Variants in CCNP observed in about 807,000 individuals in gnomAD.
CCNP encodes the protein cyclin-P.
CCNP carries 18 observed loss-of-function variants against 19.6 expected under a neutral mutation model. The ratio of observed to expected loss-of-function variants is 0.92; its 90% CI spans 0.64 to 1.36. The LOEUF is 1.36. Among genes scored for constraint, CCNP ranks in the 40% most tolerant of loss-of-function variants. CCNP has a pLI of 0.00. For missense variants in CCNP, 440 were observed against 424.4 expected, an observed-to-expected ratio of 1.04 and a Z score of -0.32; for synonymous variants, 228 against 194.9, an observed-to-expected ratio of 1.17 and a Z score of -1.41.
chr19:40,222,314 G>A lies in CCNP; in HGVS notation c.*738C>T. The A allele has an allele frequency of 2.5e-6, 1 of 398,998 alleles. No homozygotes were observed. Among genetic ancestry groups the A allele is most frequent in the African/African-American group, 2.1e-5 (1 of 48,736 alleles). The allele number at this position is 398,998 out of a possible 1,614,324, so 24.7% of individuals were successfully genotyped here. A position where few individuals can be genotyped will look rare whatever the true frequency, so the allele number is the denominator to read the frequency against. On this transcript the variant is annotated 3_prime_UTR_variant, in exon 5 of 5. Coordinates refer to ENST00000430325, the MANE Select transcript of CCNP (RefSeq NM_024877.4). ...GTGACTGAGTCCCAGTACTCAGGGA[G>A]GCTCAGACTGGAGGCGGCGGAGCAG...
At chr19:40,223,995 G>GT (rs1195398826) in intron 3 of CCNP, among the ~76,000 whole-genome samples, 5 of 151,604 alleles carry the variant, frequency 3.3e-5, no homozygotes, top group African/African-American at 4.9e-5. Context: ...GTTGTTGTTT[G>GT]TTTTTTTGGA....
rs748588547 is a variant in CCNP at position 40,224,518 on chromosome 19, C to A, written c.483G>T (p.Ala161=). Residue 161 remains alanine (A), a synonymous_variant, in exon 3 of 5, where the codon GCG becomes GCT. Transcript: ENST00000430325. ...GAAGCACGCACTCTTCCATTTTGCA[C>A]GCCACAAACAGGCAAGCCACGCCCA... ...QLLGVACLFV[A]CKMEECVLPE... 6.2e-7 allele frequency: 1 copy of A among 1,614,082 alleles called. No individual in the cohort carries two copies. Among genetic ancestry groups the A allele is most frequent in the Admixed American group, 1.7e-5 (1 of 60,010 alleles).
intron 3 of CCNP, 104 bp downstream of exon 3, chr19:40,224,384 T>C: frequency 7.7e-7 from 1 of 1,294,284 alleles, no homozygotes; most frequent in Non-Finnish European, 1.1e-6. Context: ...CTCATACATG[T>C]TGGGAATCCC....
intron 3 of CCNP, 72 bp from the exon 4 acceptor site, chr19:40,223,618 G>A (rs373486581): frequency 1.3e-6 from 2 of 1,597,986 alleles, no homozygotes; most frequent in South Asian, 2.2e-5. Context: ...CCCTGGAAAG[G>A]CCCCAAGTTC....
Position 40,224,479 on chromosome 19 carries a change from C to A in CCNP, c.513+9G>T. ...CCATCCACCCTCCCAAACCCCACCC[C>A]GGAAGTACCTCGGGAAGCACGCACT... is the stretch of plus-strand genomic sequence containing the variant. On this transcript the variant is annotated intron_variant, in intron 3 of 4. Coordinates refer to ENST00000430325, the MANE Select transcript of CCNP (RefSeq NM_024877.4). 1.9e-6 allele frequency: 3 copies of A among 1,613,550 alleles called. No individual in the cohort carries two copies. Among genetic ancestry groups the A allele is most frequent in the Non-Finnish European group, 2.5e-6 (3 of 1,179,684 alleles).
rs781239236 is a variant in CCNP at position 40,223,387 on chromosome 19, C to G, written c.672+1G>C. 3.2e-6 allele frequency: 5 copies of G among 1,540,620 alleles called. No homozygotes were observed. In the South Asian group the frequency reaches 6.0e-5, roughly 19 times the overall value. On this transcript the variant is annotated splice_donor_variant, in intron 4 of 4. Transcript: ENST00000430325. LOFTEE classifies it high-confidence loss of function. Reference sequence around the variant, plus strand: ...CACCCCGCGTATTCACAAGGGCTCACCTGGGGGCTGCTCCCTGCCAGCGCG... The same window carrying G: ...CACCCCGCGTATTCACAAGGGCTCAGCTGGGGGCTGCTCCCTGCCAGCGCG...
In CCNP at chr19:40,222,748, C is replaced by T. The variant is rs991614334; in HGVS notation, c.*304G>A. 2.5e-6 allele frequency: 1 copy of T among 406,224 alleles called. No homozygotes were observed. Among genetic ancestry groups the T allele is most frequent in the Non-Finnish European group, 4.3e-6 (1 of 231,282 alleles). The allele number at this position is 406,224 out of a possible 1,614,324, so 25.2% of individuals were successfully genotyped here. ...AGGGGAGCTGAGGATGGGCAGCCAT[C>T]CTCTCTATGCTGGGTGCACAGGCTG... is the stretch of plus-strand genomic sequence containing the variant. On this transcript the variant is annotated 3_prime_UTR_variant, in exon 5 of 5. Coordinates refer to ENST00000430325, the MANE Select transcript of CCNP (RefSeq NM_024877.4).
Position 40,222,740 on chromosome 19 carries a change from G to C in CCNP, c.*312C>G, listed in dbSNP as rs960473963. 2 of 405,128 alleles carry C rather than the reference G, an allele frequency of 4.9e-6. No homozygotes were observed. The highest frequency in any genetic ancestry group is 8.7e-6 in the Non-Finnish European group (2 of 230,708). The allele number at this position is 405,128 out of a possible 1,614,324, so 25.1% of individuals were successfully genotyped here. The stretch of plus-strand genomic sequence containing the variant: ...AAGCAAGGAGGGGAGCTGAGGATGG[G>C]CAGCCATCCTCTCTATGCTGGGTGC... On this transcript the variant is annotated 3_prime_UTR_variant, in exon 5 of 5. Transcript: ENST00000430325.
chr19:40,224,836 A>T, intron 1 of CCNP, 25 bp from the exon 2 acceptor site: 1 of 1,535,672 alleles, frequency 6.5e-7, no homozygotes, highest in Non-Finnish European at 8.8e-7. Flanking sequence ...GGGACGCTTC[A>T]CTCTCCACAC....
At chr19:40,223,706 T>C (rs1288904258) in intron 3 of CCNP, 160 bp from the exon 4 acceptor site, 8 of 1,007,672 alleles carry the variant, frequency 7.9e-6, no homozygotes, top group Middle Eastern at 3.0e-4. Context: ...GGCTTGAGGG[T>C]CCTGGGTTCA....
At position 40,222,743 on chromosome 19, in the gene CCNP, G is replaced by A. The variant is rs1035989240; in HGVS notation, c.*309C>T. 1.7e-5 allele frequency: 7 copies of A among 406,518 alleles called. No homozygotes were observed. The highest frequency in any genetic ancestry group is 1.4e-4 in the African/African-American group (7 of 48,622). The allele number at this position is 406,518 out of a possible 1,614,324, so 25.2% of individuals were successfully genotyped here. On this transcript the variant is annotated 3_prime_UTR_variant, in exon 5 of 5. Transcript: ENST00000430325. ...CAAGGAGGGGAGCTGAGGATGGGCA[G>A]CCATCCTCTCTATGCTGGGTGCACA... is the stretch of plus-strand genomic sequence containing the variant.
chr19:40,226,189 A>G lies in CCNP; in HGVS notation c.267+186T>C, dbSNP rs372614911. Reference sequence around the variant, plus strand: ...GAGCCCGGGGACGGTGGGAAAGGGCATTCCCAGCGGTAGAAACGGCGCTGT... The same window carrying G: ...GAGCCCGGGGACGGTGGGAAAGGGCGTTCCCAGCGGTAGAAACGGCGCTGT... On this transcript the variant is annotated intron_variant, in intron 1 of 4. Coordinates refer to ENST00000430325, the MANE Select transcript of CCNP (RefSeq NM_024877.4). Among the ~76,000 whole-genome samples, 4 of 152,288 alleles carry G rather than the reference A, an allele frequency of 2.6e-5. No individual in the cohort carries two copies. In the South Asian group the frequency reaches 6.2e-4, roughly 24 times the overall value.
chr19:40,226,593 T>TAGGCC lies in CCNP; in HGVS notation c.44_48dup (p.Ile17GlyfsTer55). ...GGCCTGGGGGCCCAGCGCCTAACGA[T>TAGGCC]AGGCCCGAGCCGGGAGCCGGACCCC... On this transcript the variant is annotated frameshift_variant, in exon 1 of 5. Coordinates refer to ENST00000430325, the MANE Select transcript of CCNP (RefSeq NM_024877.4). LOFTEE classifies it high-confidence loss of function. 6.3e-7 allele frequency: 1 copy of TAGGCC among 1,578,444 alleles called. No individual in the cohort carries two copies. The highest frequency in any genetic ancestry group is 8.6e-7 in the Non-Finnish European group (1 of 1,164,084).
Position 40,222,233 on chromosome 19 carries a change from G to A in CCNP, c.*819C>T, listed in dbSNP as rs1265220172. On this transcript the variant is annotated 3_prime_UTR_variant, in exon 5 of 5. Coordinates refer to ENST00000430325, the MANE Select transcript of CCNP (RefSeq NM_024877.4). Reference sequence around the variant, plus strand: ...TCAGAATAAAATAAATTCTTTTATTGAGATGAGAGACGGACACACACTGGG... The same window carrying A: ...TCAGAATAAAATAAATTCTTTTATTAAGATGAGAGACGGACACACACTGGG... The A allele has an allele frequency of 2.5e-6, 1 of 398,274 alleles. No homozygotes were observed. The highest frequency in any genetic ancestry group is 4.4e-6 in the Non-Finnish European group (1 of 225,742). The allele number at this position is 398,274 out of a possible 1,614,324, so 24.7% of individuals were successfully genotyped here. A position where few individuals can be genotyped will look rare whatever the true frequency, so the allele number is the denominator to read the frequency against.
Position 40,222,826 on chromosome 19 carries a change from A to G in CCNP, c.*226T>C. 2.2e-6 allele frequency: 1 copy of G among 462,488 alleles called. No individual in the cohort carries two copies. The highest frequency in any genetic ancestry group is 3.8e-6 in the Non-Finnish European group (1 of 263,326). 28.6% of individuals were successfully genotyped at this position (462,488 alleles called of 1,614,324 possible). Reference sequence around the variant, plus strand: ...TGGTAGCATGGTTAGCGGCCCTAGCAGCTAAAGGAACACCCCATCCACCAC... The same window carrying G: ...TGGTAGCATGGTTAGCGGCCCTAGCGGCTAAAGGAACACCCCATCCACCAC... On this transcript the variant is annotated 3_prime_UTR_variant, in exon 5 of 5. Transcript: ENST00000430325.
chr19:40,226,285 T>C (rs951241210), intron 1 of CCNP, 90 bp downstream of exon 1: 1 of 1,153,580 alleles, frequency 8.7e-7, no homozygotes, highest in Non-Finnish European at 1.3e-6. Context: ...GAGGAGAGGC[T>C]GGAGCGGTGG....
intron 1 of CCNP, among the ~76,000 whole-genome samples, chr19:40,225,894 G>A (rs1973531916): frequency 6.6e-6 from 1 of 152,186 alleles, no homozygotes; most frequent in South Asian, 2.1e-4. Context: ...GAGAGTCGCA[G>A]GCAAGACGTT....
rs1568501065 is a variant in CCNP, at chr19:40,223,413, G to A, written c.647C>T (p.Ala216Val). ...PGPLLCLGLLAALAGSSPQVM... is the reference protein window; with the variant it reads ...PGPLLCLGLLVALAGSSPQVM... The stretch of plus-strand genomic sequence containing the variant: ...CTGGGGGCTGCTCCCTGCCAGCGCG[G>A]CCAGCAGCCCGAGGCACAGCAGCGG... Residue 216 changes from alanine (A) to valine (V), a missense_variant, in exon 4 of 5, where the codon GCC (alanine) becomes GTC (valine). Ala to Val is a moderately conservative substitution (Grantham distance 64). Transcript: ENST00000430325. 6.3e-7 allele frequency: 1 copy of A among 1,583,254 alleles called. No homozygotes were observed. The highest frequency in any genetic ancestry group is 8.6e-7 in the Non-Finnish European group (1 of 1,165,926).
chr19:40,223,319 G>A lies in CCNP; in HGVS notation c.673-16C>T, dbSNP rs768083473. The A allele has an allele frequency of 1.3e-6, 2 of 1,506,048 alleles. No homozygotes were observed. The highest frequency in any genetic ancestry group is 1.8e-6 in the Non-Finnish European group (2 of 1,122,826). 93.3% of individuals were successfully genotyped at this position (1,506,048 alleles called of 1,614,324 possible). The stretch of plus-strand genomic sequence containing the variant: ...GTAACATCACCTGCAAGTGAGGCGG[G>A]GCGACTGTCAGGCCACGCCCCACTT... On this transcript the variant is annotated splice_polypyrimidine_tract_variant and intron_variant, in intron 4 of 4. Coordinates refer to ENST00000430325, the MANE Select transcript of CCNP (RefSeq NM_024877.4).
Sources: gnomAD v4.1 joint callset for allele counts (sites outside exome capture counted in the v4.1 genomes callset) on GRCh38, gnomAD v4.1.1 for gene constraint, MANE v1.5 for transcripts, NCBI Gene and HGNC (gene_info 2026-07-23, HGNC 2026-07-21) for gene names.